PACRG: variants seen among roughly 807,000 people sequenced by gnomAD.
PACRG encodes parkin coregulated.
Under a neutral mutation model 29.7 loss-of-function variants are expected in PACRG, and 29 were observed. The observed-to-expected ratio is 0.98, with a 90% CI of 0.73 to 1.33. PACRG has a LOEUF of 1.33. PACRG is among the 40% of genes most tolerant of loss of function. The pLI, the probability that PACRG is intolerant of heterozygous loss-of-function variation, is 0.00. For missense variants in PACRG, 279 were observed against 316.2 expected (o/e 0.88, Z 0.89); for synonymous variants, 116 against 118.7 (o/e 0.98, Z 0.15).
intron 2 of PACRG, chr6:163,044,542 T>TCA (rs1809116971): frequency 6.6e-6 from 1 of 152,160 alleles, no homozygotes; most frequent in African/African-American, 2.4e-5. Flanking sequence ...CAAGTTGTGA[T>TCA]GCTAGTTGTT....
chr6:162,993,182 AGGTGT>A (rs1803621910), intron 2 of PACRG, among the ~76,000 whole-genome samples: 1 of 151,750 alleles, frequency 6.6e-6, no homozygotes, highest in Non-Finnish European at 1.5e-5. Context: ...ATTTTAGAAT[AGGTGT>A]GGTGTGGTGC....
chr6:162,772,498 A>G (rs1021779569), intron 1 of PACRG, among the ~76,000 whole-genome samples: 1 of 152,250 alleles, frequency 6.6e-6, no homozygotes, highest in Non-Finnish European at 1.5e-5. Context: ...ATAAGGAAAA[A>G]GAAATTATCC....
intron 2 of PACRG, among the ~76,000 whole-genome samples, chr6:163,058,200 A>G (rs1207706797): frequency 1.3e-5 from 2 of 152,218 alleles, no homozygotes; most frequent in Admixed American, 1.3e-4. Context: ...TTCATCAATC[A>G]GAGTGGCAGC....
chr6:162,864,960 GTAGAAATGCCTT>G (rs1191493654), intron 2 of PACRG, among the ~76,000 whole-genome samples: 10 of 152,170 alleles, frequency 6.6e-5, no homozygotes, highest in African/African-American at 2.4e-4. Context: ...AAAGAATCCA[GTAGAAATGCCTT>G]TAGACTTACA....
intron 4 of PACRG, among the ~76,000 whole-genome samples, chr6:163,239,455 C>T (rs755891785): frequency 6.6e-6 from 1 of 152,090 alleles, no homozygotes; most frequent in Non-Finnish European, 1.5e-5. Context: ...TGATCATTTA[C>T]CTCTGCCCAG....
At chr6:162,844,140 CT>C (rs530610807) in intron 2 of PACRG, among the ~76,000 whole-genome samples, 4,564 of 143,954 alleles carry the variant, frequency 0.032, 210 homozygotes, top group African/African-American at 0.11. Context: ...TTCGAGCTTC[CT>C]GGCTGCTTTG....
intron 4 of PACRG, among the ~76,000 whole-genome samples, chr6:163,287,900 A>G (rs1366701167): frequency 1.3e-5 from 2 of 152,186 alleles, no homozygotes; most frequent in East Asian, 1.9e-4. Context: ...CACATTCAGA[A>G]TCCCACATTT....
chr6:163,298,566 T>A (rs1214777206), intron 4 of PACRG, among the ~76,000 whole-genome samples: 1 of 152,164 alleles, frequency 6.6e-6, no homozygotes, highest in East Asian at 1.9e-4. Context: ...ATAATACAAC[T>A]AAGGAAAAAG....
At chr6:163,118,031 C>T (rs56785704) in intron 4 of PACRG, among the ~76,000 whole-genome samples, 16 of 152,250 alleles carry the variant, frequency 1.1e-4, no homozygotes, top group Admixed American at 2.0e-4. Context: ...TAGAAAACCT[C>T]GAGTCTGCTA....
intron 4 of PACRG, among the ~76,000 whole-genome samples, chr6:163,193,906 TTC>T (rs1491195235): frequency 0.25 from 30,756 of 123,348 alleles, 3,709 homozygotes; most frequent in South Asian, 0.33. Flanking sequence ...TTTTTTTTTT[TTC>T]CTGAGATGGA....
chr6:163,044,407 T>C (rs1460512133), intron 2 of PACRG, among the ~76,000 whole-genome samples: 1 of 152,124 alleles, frequency 6.6e-6, no homozygotes, highest in Admixed American at 6.5e-5. Context: ...GCTCAAGCAA[T>C]CCTCCTGCCT....
chr6:162,871,478 T>A (rs956164556), intron 2 of PACRG, among the ~76,000 whole-genome samples: 1 of 152,262 alleles, frequency 6.6e-6, no homozygotes, highest in African/African-American at 2.4e-5. Context: ...GTGGCCTTCT[T>A]CTGTGCCTCA....
At chr6:162,757,609 G>T (rs901023338) in intron 1 of PACRG, among the ~76,000 whole-genome samples, 14 of 152,146 alleles carry the variant, frequency 9.2e-5, no homozygotes, top group Non-Finnish European at 1.8e-4. Context: ...TTGGGAGGCT[G>T]AGGCAGGAGA....
At chr6:163,234,730 G>A (rs1313908096) in intron 4 of PACRG, among the ~76,000 whole-genome samples, 2 of 152,148 alleles carry the variant, frequency 1.3e-5, no homozygotes, top group Non-Finnish European at 2.9e-5. Flanking sequence ...AGAGAGCAGA[G>A]TCAAAAATTT....
intron 4 of PACRG, among the ~76,000 whole-genome samples, chr6:163,218,745 C>T (rs957690475): frequency 6.6e-6 from 1 of 152,246 alleles, no homozygotes; most frequent in African/African-American, 2.4e-5. Context: ...GGGCTGGCTC[C>T]TCCTCCCTCT....
At chr6:163,269,010 A>T (rs1783638956) in intron 4 of PACRG, among the ~76,000 whole-genome samples, 1 of 152,224 alleles carries the variant, frequency 6.6e-6, no homozygotes, top group Non-Finnish European at 1.5e-5. Context: ...ATATTGTCTC[A>T]ATCCTAGCAA....
At chr6:163,216,011 C>T (rs1226337558) in intron 4 of PACRG, among the ~76,000 whole-genome samples, 2 of 152,282 alleles carry the variant, frequency 1.3e-5, no homozygotes, top group Non-Finnish European at 1.5e-5. Context: ...AGGATGTGCT[C>T]ATCAGAAGCC....
rs1783732062 is a variant in PACRG, at chr6:162,777,356, G to A, written c.157-36791G>A. On this transcript the variant is annotated intron_variant, in intron 1 of 4. Coordinates refer to ENST00000366888, the MANE Select transcript of PACRG (RefSeq NM_001080379.2). This position sits in a 1 kb window ranked among gnomAD's most constrained non-coding sequence, Gnocchi z 4.0. ...TTGGCATTTGGCTGATGTAGGCCAT[G>A]TGGGCACACACTCAGCTTATTGATA... 6.6e-6 allele frequency among the ~76,000 whole-genome samples: 1 copy of A among 152,192 alleles called. No individual in the cohort carries two copies. The highest frequency in any genetic ancestry group is 2.1e-4 in the South Asian group (1 of 4,830).
At chr6:162,822,697 G>A (rs1274748414) in intron 2 of PACRG, among the ~76,000 whole-genome samples, 1 of 152,104 alleles carries the variant, frequency 6.6e-6, no homozygotes, top group Admixed American at 6.5e-5. Context: ...TATATGGTTT[G>A]AATATTTCTG....
Sources: gnomAD v4.1 joint callset for allele counts (sites outside exome capture counted in the v4.1 genomes callset) on GRCh38, gnomAD v4.1.1 for gene constraint, Gnocchi (gnomAD v3.1) non-coding constraint, MANE v1.5 for transcripts, NCBI Gene and HGNC (gene_info 2026-07-23, HGNC 2026-07-21) for gene names.